Variants in AANAT observed in about 807,000 individuals in gnomAD.
The protein encoded by AANAT is serotonin N-acetyltransferase.
AANAT carries 11 observed loss-of-function variants against 15.6 expected under a neutral mutation model. The observed-to-expected ratio is 0.71, with a 90% CI of 0.44 to 1.17. The LOEUF (loss-of-function observed/expected upper bound fraction) is 1.17. AANAT is among the 50% of genes most tolerant of loss of function. AANAT has a pLI of 0.00. For synonymous variants in AANAT, 139 were observed against 131.5 expected (o/e 1.06, Z -0.39); for missense variants, 286 against 296.3 (o/e 0.97, Z 0.26).
intron 2 of AANAT, among the ~76,000 whole-genome samples, chr17:76,461,242 C>T (rs1026914201): frequency 2.0e-5 from 3 of 151,890 alleles, no homozygotes; most frequent in African/African-American, 7.3e-5. Flanking sequence ...GTGGGTGGCA[C>T]GATGCCACAT....
intron 1 of AANAT, among the ~76,000 whole-genome samples, chr17:76,468,132 G>A (rs2073459612): frequency 1.3e-5 from 2 of 152,140 alleles, no homozygotes; most frequent in South Asian, 4.1e-4. Context: ...GGCTCTCTAG[G>A]ACCAAGGGCT....
intron 1 of AANAT, among the ~76,000 whole-genome samples, chr17:76,456,964 C>T (rs1360554240): frequency 6.6e-6 from 1 of 152,154 alleles, no homozygotes; most frequent in Non-Finnish European, 1.5e-5. Flanking sequence ...CTTTAGGCTT[C>T]CCTCAGAAGA....
rs139064770 is a variant in AANAT at position 76,457,497 on chromosome 17, C to T, written c.-575-1750C>T. On this transcript the variant is annotated intron_variant, in intron 1 of 6. Transcript: ENST00000250615. ...TGGAAGACGTGTTGTGTTTATTCTG[C>T]GGCTTCTTGTAATAATGGCTAATAA... Among the ~76,000 whole-genome samples the T allele has an allele frequency of 9.2e-5, 14 of 152,122 alleles. 1 individual carries two copies. The highest frequency in any genetic ancestry group is 3.8e-4 in the East Asian group (2 of 5,204).
upstream of AANAT, chr17:76,466,282 C>T (rs979050704): frequency 8.2e-6 from 12 of 1,465,738 alleles, no homozygotes; most frequent in African/African-American, 1.4e-4. Flanking sequence ...ACCAACCAAG[C>T]CCAAGGAGGT....
chr17:76,468,973 A>G, intron 2 of AANAT, 64 bp downstream of exon 2: 1 of 1,554,848 alleles, frequency 6.4e-7, no homozygotes, highest in Non-Finnish European at 8.8e-7. Context: ...TGTGGGGAGG[A>G]GACCCTTAGT....
chr17:76,466,933 A>G (rs1305013443), upstream of AANAT, among the ~76,000 whole-genome samples: 1 of 152,170 alleles, frequency 6.6e-6, no homozygotes, highest in Non-Finnish European at 1.5e-5. Flanking sequence ...CAGGACCCCC[A>G]GGAGCCCGAG....
At chr17:76,464,541 G>A (rs1417605083), upstream of AANAT, among the ~76,000 whole-genome samples, 1 of 152,092 alleles carries the variant, frequency 6.6e-6, no homozygotes, top group East Asian at 1.9e-4. Context: ...GCCATCATGG[G>A]TGAGGCAGGG....
upstream of AANAT, among the ~76,000 whole-genome samples, chr17:76,466,871 A>G (rs2073443689): frequency 6.6e-6 from 1 of 152,122 alleles, no homozygotes; most frequent in African/African-American, 2.4e-5. Flanking sequence ...GGGTAGGAGC[A>G]GAAGCTTCCT....
intron 1 of AANAT, among the ~76,000 whole-genome samples, chr17:76,457,895 G>A (rs1415586100): frequency 2.6e-5 from 4 of 152,192 alleles, no homozygotes; most frequent in Non-Finnish European, 5.9e-5. Flanking sequence ...AATTAGCCAG[G>A]CTTGGTGGCG....
Position 76,469,533 on chromosome 17 carries a change from C to A in AANAT, c.319-132C>A. The A allele has an allele frequency of 1.6e-6, 2 of 1,240,224 alleles. No individual in the cohort carries two copies. Among genetic ancestry groups the A allele is most frequent in the Non-Finnish European group, 1.1e-6 (1 of 923,368 alleles). 76.8% of individuals were successfully genotyped at this position (1,240,224 alleles called of 1,614,324 possible). On this transcript the variant is annotated intron_variant, in intron 3 of 3. Transcript: ENST00000392492. The surrounding 1 kb of genome is among the most constrained non-coding windows in gnomAD (Gnocchi z 5.2). ...TGGGGGTATGGCTCCCAATTTGGGG[C>A]CCTCCTTTGCTGGGGTGGGTGCCCT... is the stretch of plus-strand genomic sequence containing the variant.
chr17:76,460,066 C>G (rs1265927014), intron 2 of AANAT, among the ~76,000 whole-genome samples: 1 of 151,950 alleles, frequency 6.6e-6, no homozygotes, highest in Non-Finnish European at 1.5e-5. Flanking sequence ...TTCCAACCCC[C>G]CTTCCCCCTC....
rs1378597612 is a variant in AANAT at position 76,469,566 on chromosome 17, G to A, written c.319-99G>A. ...TGCTGGGGTGGGTGCCCTGACCACA[G>A]GCACCCAGGGGACACCTGCTCCCTG... On this transcript the variant is annotated intron_variant, in intron 3 of 3. Transcript: ENST00000392492. The surrounding 1 kb of genome is among the most constrained non-coding windows in gnomAD (Gnocchi z 5.2). 7 of 1,358,100 alleles carry A rather than the reference G, an allele frequency of 5.2e-6. No individual in the cohort carries two copies. Among genetic ancestry groups the A allele is most frequent in the African/African-American group, 4.4e-5 (3 of 68,064 alleles). The allele number at this position is 1,358,100 out of a possible 1,614,324, so 84.1% of individuals were successfully genotyped here. A position where few individuals can be genotyped will look rare whatever the true frequency, so the allele number is the denominator to read the frequency against.
In AANAT at chr17:76,469,755, C is replaced by A; in HGVS notation, c.409C>A (p.Pro137Thr). The change falls in exon 4 of 4, where the codon CCC (proline) becomes ACC (threonine). Residue 137 changes from proline to threonine, a missense_variant. By Grantham distance (38) the Pro-to-Thr change is conservative (BLOSUM62 -1). Transcript: ENST00000392492. This position sits in a 1 kb window ranked among gnomAD's most constrained non-coding sequence, Gnocchi z 5.2. ...HRAFRQQGRG[P>T]ILLWRYLHHL... The stretch of plus-strand genomic sequence containing the variant: ...CGCCTTCCGGCAGCAGGGCAGGGGC[C>A]CCATCCTGCTGTGGCGCTACCTGCA... 1 of 1,576,776 alleles carries A rather than the reference C, an allele frequency of 6.3e-7. No homozygotes were observed. Among genetic ancestry groups the A allele is most frequent in the East Asian group, 2.3e-5 (1 of 43,276 alleles).
upstream of AANAT, among the ~76,000 whole-genome samples, chr17:76,466,672 C>G (rs996878758): frequency 6.6e-6 from 1 of 152,184 alleles, no homozygotes; most frequent in African/African-American, 2.4e-5. Context: ...TGGCTCTGAG[C>G]AGGTTACTGA....
At chr17:76,458,840 A>G (rs1412806960) in intron 1 of AANAT, among the ~76,000 whole-genome samples, 3 of 150,576 alleles carry the variant, frequency 2.0e-5, no homozygotes, top group African/African-American at 7.3e-5. Flanking sequence ...TGGGAAGGCT[A>G]GGGTGCCTTA....
At chr17:76,463,161 G>A (rs12452844), upstream of AANAT, among the ~76,000 whole-genome samples, 46,013 of 151,980 alleles carry the variant, frequency 0.3, 7,447 homozygotes, top group East Asian at 0.48. Context: ...GGTGGGGGCC[G>A]TGGGGAGGTT....
At chr17:76,461,960 C>A (rs1005109593) in intron 2 of AANAT, among the ~76,000 whole-genome samples, 2 of 152,194 alleles carry the variant, frequency 1.3e-5, no homozygotes, top group East Asian at 3.9e-4. Context: ...ACAGAGGAGG[C>A]CCCTGGGGAG....
chr17:76,465,250 C>T (rs1343783678), upstream of AANAT, among the ~76,000 whole-genome samples: 1 of 151,750 alleles, frequency 6.6e-6, no homozygotes, highest in African/African-American at 2.4e-5. Flanking sequence ...AATAGCAGGA[C>T]AAGACTGGGC....
At position 76,469,880 on chromosome 17, in the gene AANAT, C is replaced by T. The variant is rs1409754879; in HGVS notation, c.534C>T (p.Pro178=). The change falls in exon 4 of 4, where the codon CCC becomes CCT. Residue 178 remains proline (P), a synonymous_variant. Transcript: ENST00000392492. The surrounding 1 kb of genome is among the most constrained non-coding windows in gnomAD (Gnocchi z 5.2). ...YERFSFHAVG[P]CAITVGSLTF... ...GGTTCAGCTTCCACGCCGTGGGCCC[C>T]TGCGCCATCACCGTGGGCTCCCTCA... 3 of 1,586,442 alleles carry T rather than the reference C, an allele frequency of 1.9e-6. No individual in the cohort carries two copies.
Sources: gnomAD v4.1 joint callset for allele counts (sites outside exome capture counted in the v4.1 genomes callset) on GRCh38, gnomAD v4.1.1 for gene constraint, Gnocchi (gnomAD v3.1) non-coding constraint, MANE v1.5 for transcripts, NCBI Gene and HGNC (gene_info 2026-07-23, HGNC 2026-07-21) for gene names.